Variants in CORIN observed in about 807,000 individuals in gnomAD.
CORIN encodes atrial natriuretic peptide-converting enzyme.
In CORIN, 117 loss-of-function variants were observed where a neutral mutation model predicts 125.3. The ratio of observed to expected loss-of-function variants is 0.93; its 90% CI spans 0.80 to 1.09. CORIN has a LOEUF of 1.09. Ranked by LOEUF, CORIN falls within the 50% of genes least tolerant of loss-of-function variation. The pLI is 0.00. For synonymous variants in CORIN, 450 were observed against 466.4 expected (o/e 0.96, Z 0.45); for missense variants, 1,253 against 1,306.7 (o/e 0.96, Z 0.63).
chr4:47,657,135 A>T (rs1724022198), intron 12 of CORIN, among the ~76,000 whole-genome samples: 1 of 152,234 alleles, frequency 6.6e-6, no homozygotes. Flanking sequence ...ATTAAAGAGG[A>T]TATAAAGAAT....
At chr4:47,675,819 T>G (rs922616859) in intron 9 of CORIN, among the ~76,000 whole-genome samples, 3 of 152,160 alleles carry the variant, frequency 2.0e-5, no homozygotes, top group Admixed American at 1.3e-4. Flanking sequence ...GTAATTCTCC[T>G]GCCTCGGCCA....
rs2109816046 is a variant in CORIN, at chr4:47,732,083, G to A, written c.799+12319C>T. Among the ~76,000 whole-genome samples the A allele has an allele frequency of 3.3e-5, 5 of 152,278 alleles. No homozygotes were observed. In the South Asian group the frequency reaches 1.0e-3, roughly 32 times the overall value. ...TGATAGATAGATTTAAGAATCATCAGTGCATATGTGGCTATAAGCAAATAT... is the reference window on the plus strand; with the variant it reads ...TGATAGATAGATTTAAGAATCATCAATGCATATGTGGCTATAAGCAAATAT... On this transcript the variant is annotated intron_variant, in intron 5 of 21. Transcript: ENST00000273857.
chr4:47,803,097 C>T (rs991649919), intron 2 of CORIN, among the ~76,000 whole-genome samples: 1 of 152,060 alleles, frequency 6.6e-6, no homozygotes, highest in African/African-American at 2.4e-5. Flanking sequence ...ACCTGAAACA[C>T]CTTCCCAAGA....
rs570866088 is a variant in CORIN at position 47,643,320 on chromosome 4, A to G, written c.1958-64T>C. The G allele has an allele frequency of 2.8e-6, 4 of 1,424,416 alleles. No homozygotes were observed. In the Admixed American group the frequency reaches 6.2e-5, roughly 22 times the overall value. The allele number at this position is 1,424,416 out of a possible 1,614,324, so 88.2% of individuals were successfully genotyped here. ...AGAAATAAATGTGATTATCACTAACATGCATATCTTCATGTGCCAGCAGGA... is the reference window on the plus strand; with the variant it reads ...AGAAATAAATGTGATTATCACTAACGTGCATATCTTCATGTGCCAGCAGGA... On this transcript the variant is annotated intron_variant, in intron 14 of 21. Transcript: ENST00000273857.
intron 5 of CORIN, among the ~76,000 whole-genome samples, chr4:47,736,273 A>ACTG (rs1215793787): frequency 6.6e-6 from 1 of 152,184 alleles, no homozygotes; most frequent in African/African-American, 2.4e-5. Context: ...GCAGACCTCT[A>ACTG]CTAAACAACG....
chr4:47,691,216 A>G (rs1206491545), intron 6 of CORIN, among the ~76,000 whole-genome samples: 1 of 152,252 alleles, frequency 6.6e-6, no homozygotes, highest in Non-Finnish European at 1.5e-5. Flanking sequence ...CACAGGAGAT[A>G]CAGGCATATG....
chr4:47,794,553 GAT>G (rs1337405498), intron 2 of CORIN, among the ~76,000 whole-genome samples: 1 of 152,064 alleles, frequency 6.6e-6, no homozygotes, highest in African/African-American at 2.4e-5. Context: ...ATTTGTTTTA[GAT>G]ATATATGGAT....
intron 5 of CORIN, among the ~76,000 whole-genome samples, chr4:47,696,464 C>CAA (rs113439913): frequency 0.012 from 1,787 of 150,714 alleles, 37 homozygotes; most frequent in African/African-American, 0.041. Flanking sequence ...GAGAAGAAAA[C>CAA]AAAAAAAAAT....
At chr4:47,802,697 G>A (rs752559292) in intron 2 of CORIN, among the ~76,000 whole-genome samples, 3 of 152,222 alleles carry the variant, frequency 2.0e-5, no homozygotes, top group Non-Finnish European at 4.4e-5. Flanking sequence ...TCACTGCCCT[G>A]AAGAGAGGGA....
chr4:47,837,775 G>T, intron 1 of CORIN, 112 bp downstream of exon 1: 1 of 937,258 alleles, frequency 1.1e-6, no homozygotes, highest in Non-Finnish European at 1.8e-6. Flanking sequence ...TGGGGAAGGA[G>T]GTGGCATCGG....
At chr4:47,820,058 C>T (rs1032052010) in intron 1 of CORIN, among the ~76,000 whole-genome samples, 7 of 152,132 alleles carry the variant, frequency 4.6e-5, no homozygotes, top group African/African-American at 9.7e-5. Context: ...TGCCTGACTC[C>T]GGAAAGTGTC....
intron 5 of CORIN, among the ~76,000 whole-genome samples, chr4:47,726,593 G>A (rs1464415808): frequency 6.6e-6 from 1 of 152,034 alleles, no homozygotes; most frequent in Non-Finnish European, 1.5e-5. Flanking sequence ...TAGGATGATA[G>A]AACTGTTCAG....
chr4:47,623,096 C>CTCTCTCTCTCTCTCTCTATATA (rs771867590), intron 19 of CORIN, among the ~76,000 whole-genome samples: 10 of 102,298 alleles, frequency 9.8e-5, no homozygotes, highest in African/African-American at 3.4e-4. Flanking sequence ...CTCTCTCTCT[C>CTCTCTCTCTCTCTCTCTATATA]TATATATATA....
At chr4:47,656,152 A>ATT (rs199763449) in intron 12 of CORIN, among the ~76,000 whole-genome samples, 19 of 133,696 alleles carry the variant, frequency 1.4e-4, no homozygotes, top group African/African-American at 3.6e-4. Context: ...ACCATTTAGG[A>ATT]TTTTTTTTTT....
At chr4:47,802,092 C>T (rs1376305817) in intron 2 of CORIN, among the ~76,000 whole-genome samples, 1 of 152,214 alleles carries the variant, frequency 6.6e-6, no homozygotes. Context: ...ACTTGCTGAC[C>T]AAAGAGCCCC....
intron 5 of CORIN, among the ~76,000 whole-genome samples, chr4:47,744,182 A>C (rs58959111): frequency 6.6e-6 from 1 of 152,162 alleles, no homozygotes; most frequent in Non-Finnish European, 1.5e-5. Context: ...GTAAGGATAG[A>C]GGTTTCTTTT....
intron 10 of CORIN, among the ~76,000 whole-genome samples, chr4:47,673,235 G>T (rs1299526328): frequency 1.3e-5 from 2 of 151,492 alleles, no homozygotes; most frequent in African/African-American, 4.8e-5. Context: ...AATTAGCTGG[G>T]TGTGGTGGTG....
rs149563697 is a variant in CORIN at position 47,677,941 on chromosome 4, C to T, written c.1246G>A (p.Val416Ile). The T allele has an allele frequency of 5.1e-4, 817 of 1,606,712 alleles. No individual in the cohort carries two copies. Among genetic ancestry groups the T allele is most frequent in the African/African-American group, 4.0e-3 (296 of 74,894 alleles). ...KDGSDEENCSVIQTSCQEGDQ... is the reference protein window; with the variant it reads ...KDGSDEENCSIIQTSCQEGDQ... The stretch of plus-strand genomic sequence containing the variant: ...TGGGGTGGTGGGACACACTTACTGA[C>T]GCTGCAGTTCTCCTCATCACTCCCA... The change falls in exon 9 of 22, where the codon GTC (valine) becomes ATC (isoleucine). Residue 416 changes from valine (V) to isoleucine (I), a missense_variant. Transcript: ENST00000273857.
At chr4:47,600,802 A>C (rs1304815273) in intron 20 of CORIN, among the ~76,000 whole-genome samples, 1 of 152,218 alleles carries the variant, frequency 6.6e-6, no homozygotes, top group African/African-American at 2.4e-5. Flanking sequence ...CCTATTCTTG[A>C]TGAAAAGAAT....
Sources: allele counts gnomAD v4.1 joint callset (sites outside exome capture counted in the v4.1 genomes callset), GRCh38; gene constraint gnomAD v4.1.1; transcripts MANE v1.5; gene names NCBI Gene and HGNC (gene_info 2026-07-23, HGNC 2026-07-21).